Variants in DNAJC3 observed in about 807,000 individuals in gnomAD.
DNAJC3 encodes dnaJ homolog subfamily C member 3.
A neutral mutation model predicts 68.6 loss-of-function variants in DNAJC3; 38 were observed. That is an observed-to-expected ratio of 0.55 (90% CI 0.43 to 0.73). The LOEUF (loss-of-function observed/expected upper bound fraction) is 0.73. Among genes scored for constraint, DNAJC3 ranks in the 30% least tolerant of loss-of-function variants. DNAJC3 has a pLI of 0.00. For missense variants in DNAJC3, 526 were observed against 591.9 expected (o/e 0.89, Z 1.16); for synonymous variants, 203 against 204.0 (o/e 1.00, Z 0.04).
intron 1 of DNAJC3, among the ~76,000 whole-genome samples, chr13:95,677,551 C>T (rs1005932165): frequency 1.3e-5 from 2 of 152,170 alleles, no homozygotes; most frequent in Admixed American, 6.5e-5. Flanking sequence ...GCCGGGACAG[C>T]GGGTTTGGAC....
intron 9 of DNAJC3, among the ~76,000 whole-genome samples, chr13:95,767,576 T>A (rs1307194905): frequency 6.6e-6 from 1 of 152,218 alleles, no homozygotes; most frequent in African/African-American, 2.4e-5. Flanking sequence ...AGTTCTTTTT[T>A]AATTTTTTGA....
rs1203788102 is a variant in DNAJC3 at position 95,690,389 on chromosome 13, C to T, written c.82+13052C>T. Among the ~76,000 whole-genome samples the T allele has an allele frequency of 8.6e-5, 13 of 151,986 alleles. No homozygotes were observed. In the East Asian group the frequency reaches 2.5e-3, roughly 29 times the overall value. ...AAAAGTCTCCCATGTCTACTTCTTT[C>T]TACACAGACACGGCAACCATCCGAT... On this transcript the variant is annotated intron_variant, in intron 1 of 11. Coordinates refer to ENST00000602402, the MANE Select transcript of DNAJC3 (RefSeq NM_006260.5).
At chr13:95,716,541 T>C (rs894734695) in intron 2 of DNAJC3, among the ~76,000 whole-genome samples, 21 of 152,194 alleles carry the variant, frequency 1.4e-4, no homozygotes, top group African/African-American at 4.6e-4. Context: ...TCAGATCATA[T>C]ACATGGGCTG....
intron 1 of DNAJC3, chr13:95,695,648 C>G (rs1880418376): frequency 6.6e-6 from 1 of 152,202 alleles, no homozygotes; most frequent in African/African-American, 2.4e-5. Flanking sequence ...TGTAATTCTC[C>G]ATTTTCCTTG....
intron 4 of DNAJC3, among the ~76,000 whole-genome samples, chr13:95,755,226 A>G (rs1340481554): frequency 6.6e-6 from 1 of 152,044 alleles, no homozygotes; most frequent in Non-Finnish European, 1.5e-5. Context: ...CAGGAGGATC[A>G]CCTGAGGCCC....
Position 95,677,191 on chromosome 13 carries a change from C to A in DNAJC3, c.-65C>A. ...GACGGCGGGCGGGCGCAGCTGCTGCCGGAGCGCCGGCGCGTGCTGGTGGGC... is the reference window on the plus strand; with the variant it reads ...GACGGCGGGCGGGCGCAGCTGCTGCAGGAGCGCCGGCGCGTGCTGGTGGGC... On this transcript the variant is annotated 5_prime_UTR_variant, in exon 1 of 12. Transcript: ENST00000602402. 6.7e-7 allele frequency: 1 copy of A among 1,497,466 alleles called. No homozygotes were observed. Among genetic ancestry groups the A allele is most frequent in the Non-Finnish European group, 9.0e-7 (1 of 1,108,320 alleles). 92.8% of individuals were successfully genotyped at this position (1,497,466 alleles called of 1,614,324 possible). A position where few individuals can be genotyped will look rare whatever the true frequency, so the allele number is the denominator to read the frequency against.
chr13:95,745,471 T>A (rs561052915), intron 4 of DNAJC3: 1 of 152,336 alleles, frequency 6.6e-6, no homozygotes, highest in East Asian at 1.9e-4. Flanking sequence ...CATCTCTACA[T>A]CCATGGAGCC....
chr13:95,715,751 T>C (rs1174576506), intron 2 of DNAJC3, among the ~76,000 whole-genome samples: 1 of 151,270 alleles, frequency 6.6e-6, no homozygotes, highest in Non-Finnish European at 1.5e-5. Flanking sequence ...CCTCCAAAAA[T>C]GTTGGGATTA....
intron 2 of DNAJC3, among the ~76,000 whole-genome samples, chr13:95,719,246 C>T (rs1389863480): frequency 1.3e-5 from 2 of 152,212 alleles, no homozygotes; most frequent in Non-Finnish European, 2.9e-5. Context: ...GTGTACCACC[C>T]TCTAGGAGCC....
Position 95,740,241 on chromosome 13 carries a change from T to G in DNAJC3, c.393+14989T>G, listed in dbSNP as rs953376479. Among the ~76,000 whole-genome samples the G allele has an allele frequency of 1.3e-3, 198 of 152,264 alleles. 1 individual carries two copies. The highest frequency in any genetic ancestry group is 4.4e-3 in the African/African-American group (181 of 41,528). On this transcript the variant is annotated intron_variant, in intron 4 of 11. Coordinates refer to ENST00000602402, the MANE Select transcript of DNAJC3 (RefSeq NM_006260.5). Reference sequence around the variant, plus strand: ...CTGTCAGACAGGGATATTTAAGTCTTCAGAGGTTACTGCTGTCTTTTTGTT... The same window carrying G: ...CTGTCAGACAGGGATATTTAAGTCTGCAGAGGTTACTGCTGTCTTTTTGTT...
intron 9 of DNAJC3, among the ~76,000 whole-genome samples, chr13:95,779,559 T>C (rs1426379949): frequency 6.6e-6 from 1 of 152,248 alleles, no homozygotes; most frequent in Non-Finnish European, 1.5e-5. Flanking sequence ...CATTTCCTTT[T>C]GTTAGATCCT....
intron 7 of DNAJC3, among the ~76,000 whole-genome samples, chr13:95,763,011 C>T (rs1235035319): frequency 1.3e-5 from 2 of 152,152 alleles, no homozygotes; most frequent in East Asian, 1.9e-4. Flanking sequence ...AGTGTGCCAC[C>T]ATGGCATAGA....
intron 1 of DNAJC3, among the ~76,000 whole-genome samples, chr13:95,702,842 A>C (rs1445636743): frequency 6.6e-6 from 1 of 152,204 alleles, no homozygotes; most frequent in East Asian, 1.9e-4. Context: ...CCCATACCCT[A>C]ATGGAGAAGA....
chr13:95,746,115 T>A (rs1260646556), intron 4 of DNAJC3, among the ~76,000 whole-genome samples: 3 of 152,228 alleles, frequency 2.0e-5, no homozygotes, highest in Non-Finnish European at 4.4e-5. Flanking sequence ...AGCACTGCGC[T>A]GTTCTGCCCT....
In DNAJC3 at chr13:95,735,074, T is replaced by G. The variant is rs370466492; in HGVS notation, c.393+9822T>G. On this transcript the variant is annotated intron_variant, in intron 4 of 11. Coordinates refer to ENST00000602402, the MANE Select transcript of DNAJC3 (RefSeq NM_006260.5). The stretch of plus-strand genomic sequence containing the variant: ...CTATGAGTGAGAACATGCAGTGTTT[T>G]GTTTTTTGTTCTTGCGATAGTTTAC... Among the ~76,000 whole-genome samples the G allele has an allele frequency of 2.6e-4, 40 of 151,266 alleles. No homozygotes were observed. The East Asian group carries it at 5.5e-3, about 21-fold the overall frequency.
intron 6 of DNAJC3, 104 bp downstream of exon 6, chr13:95,760,325 G>C: frequency 9.6e-7 from 1 of 1,037,130 alleles, no homozygotes; most frequent in Non-Finnish European, 1.3e-6. Flanking sequence ...GATGATGGTA[G>C]TTAAGGCTGT....
chr13:95,722,221 A>G (rs1881345571), intron 2 of DNAJC3, among the ~76,000 whole-genome samples: 1 of 152,164 alleles, frequency 6.6e-6, no homozygotes, highest in Non-Finnish European at 1.5e-5. Context: ...CTTTCCTTAC[A>G]AATGTTAACT....
chr13:95,779,674 C>T (rs571700564), intron 9 of DNAJC3, among the ~76,000 whole-genome samples: 1 of 152,160 alleles, frequency 6.6e-6, no homozygotes, highest in Middle Eastern at 3.4e-3. Context: ...CACATTTTTA[C>T]CTCCTCGTCA....
chr13:95,703,237 G>C (rs568242786), intron 1 of DNAJC3, among the ~76,000 whole-genome samples: 1 of 152,140 alleles, frequency 6.6e-6, no homozygotes, highest in Admixed American at 6.5e-5. Flanking sequence ...TATTAACATT[G>C]AACTTACAGC....
Sources: gnomAD v4.1 joint callset for allele counts (sites outside exome capture counted in the v4.1 genomes callset) on GRCh38, gnomAD v4.1.1 for gene constraint, MANE v1.5 for transcripts, NCBI Gene and HGNC (gene_info 2026-07-23, HGNC 2026-07-21) for gene names.